The following SGCZ variants were observed in gnomAD, a reference collection of about 807,000 sequenced individuals.
The protein encoded by SGCZ is zeta-sarcoglycan.
SGCZ carries 40 observed loss-of-function variants against 41.3 expected under a neutral mutation model. The observed-to-expected ratio is 0.97, with a 90% confidence interval of 0.75 to 1.26. The LOEUF (loss-of-function observed/expected upper bound fraction) is 1.26. SGCZ is among the 50% of genes most tolerant of loss of function. The probability of loss-of-function intolerance (pLI) is 0.00; values close to 1 mark genes in which losing one functional copy is unlikely to be tolerated. For synonymous variants in SGCZ, 206 were observed against 137.5 expected (o/e 1.50, Z -3.49); for missense variants, 552 against 369.8 (o/e 1.49, Z -4.04).
chr8:14,182,126 C>T (rs1204582497), intron 4 of SGCZ, among the ~76,000 whole-genome samples: 1 of 152,114 alleles, frequency 6.6e-6, no homozygotes, highest in Non-Finnish European at 1.5e-5. Flanking sequence ...CTGTATAGTT[C>T]TTCCTCTCAT....
chr8:15,080,057 T>G (rs1295405228), intron 1 of SGCZ, among the ~76,000 whole-genome samples: 1 of 152,098 alleles, frequency 6.6e-6, no homozygotes, highest in South Asian at 2.1e-4. Flanking sequence ...TTATCTTCTG[T>G]TTTTCTTGTT....
chr8:15,041,906 A>G (rs974792245), intron 1 of SGCZ, among the ~76,000 whole-genome samples: 4 of 152,310 alleles, frequency 2.6e-5, no homozygotes, highest in Non-Finnish European at 2.9e-5. Context: ...TCTGGTCCTG[A>G]GTCCTTCTAC....
At chr8:14,591,009 C>G (rs1390823540) in intron 1 of SGCZ, among the ~76,000 whole-genome samples, 5 of 150,166 alleles carry the variant, frequency 3.3e-5, no homozygotes, top group African/African-American at 1.2e-4. Context: ...AAATATTATG[C>G]CATCATTTTT....
At chr8:14,468,800 A>C (rs1456271342) in intron 2 of SGCZ, among the ~76,000 whole-genome samples, 5 of 152,078 alleles carry the variant, frequency 3.3e-5, no homozygotes, top group African/African-American at 1.2e-4. Flanking sequence ...AAGTACATTG[A>C]AATATAACAA....
intron 2 of SGCZ, among the ~76,000 whole-genome samples, chr8:14,503,153 T>G (rs560618575): frequency 2.6e-5 from 4 of 152,142 alleles, no homozygotes; most frequent in Admixed American, 6.5e-5. Flanking sequence ...TGTGGGGACA[T>G]GGATGAAGCA....
intron 1 of SGCZ, among the ~76,000 whole-genome samples, chr8:14,867,702 G>C (rs1366813568): frequency 1.3e-5 from 2 of 152,080 alleles, no homozygotes; most frequent in African/African-American, 4.8e-5. Context: ...TCACGTATAA[G>C]TGGGAGCTAA....
rs115823038 is a variant in SGCZ at position 14,120,794 on chromosome 8, T to C, written c.548-12559A>G. 6.1e-3 allele frequency among the ~76,000 whole-genome samples: 927 copies of C among 152,244 alleles called. 12 individuals carry two copies. The highest frequency in any genetic ancestry group is 0.022 in the African/African-American group (899 of 41,570). ...AAAGGCATTAAAGAGATGTTAATTA[T>C]AATGAGAAGTATAACATAACCATAT... On this transcript the variant is annotated intron_variant, in intron 5 of 7. Transcript: ENST00000382080.
At chr8:15,153,251 AAAC>A (rs3069841) in intron 1 of SGCZ, among the ~76,000 whole-genome samples, 75,852 of 151,742 alleles carry the variant, frequency 0.5, 19,878 homozygotes, top group Non-Finnish European at 0.59. Context: ...GCATGAAAAT[AAAC>A]AACATAAAAC....
intron 2 of SGCZ, among the ~76,000 whole-genome samples, chr8:14,407,488 T>C (rs11987103): frequency 0.13 from 20,388 of 152,022 alleles, 2,987 homozygotes; most frequent in African/African-American, 0.36. Flanking sequence ...ATAAGTAGTT[T>C]CATAATCCTA....
chr8:14,114,038 A>G (rs1011174230), intron 5 of SGCZ, among the ~76,000 whole-genome samples: 6 of 152,024 alleles, frequency 3.9e-5, no homozygotes, highest in African/African-American at 1.4e-4. Context: ...CCTTGTAAAA[A>G]TTACTGGTAT....
chr8:14,747,728 T>TGC lies in SGCZ; in HGVS notation c.40-192803_40-192802insGC, dbSNP rs1554492380. On this transcript the variant is annotated intron_variant, in intron 1 of 7. Coordinates refer to ENST00000382080, the MANE Select transcript of SGCZ (RefSeq NM_139167.4). Reference sequence around the variant, plus strand: ...ATTTGTGTGTGTGTGTGTGTGTGTGTGTGTGAGACTGAGTCTCATTCTGTC... The same window carrying TGC: ...ATTTGTGTGTGTGTGTGTGTGTGTGTGCGTGTGAGACTGAGTCTCATTCTGTC... 3.9e-3 allele frequency among the ~76,000 whole-genome samples: 577 copies of TGC among 149,130 alleles called. 9 individuals carry two copies. Among genetic ancestry groups the TGC allele is most frequent in the African/African-American group, 0.012 (471 of 40,272 alleles).
chr8:15,228,044 G>A (rs1428323090), intron 1 of SGCZ, among the ~76,000 whole-genome samples: 1 of 152,024 alleles, frequency 6.6e-6, no homozygotes. Flanking sequence ...ATATGGAACA[G>A]ATGTTTGAAA....
intron 1 of SGCZ, among the ~76,000 whole-genome samples, chr8:15,208,999 C>G (rs1801158797): frequency 6.6e-6 from 1 of 151,718 alleles, no homozygotes; most frequent in Admixed American, 6.6e-5. Context: ...AAACTGAGTT[C>G]TTCAGAGTGG....
intron 2 of SGCZ, among the ~76,000 whole-genome samples, chr8:14,357,170 A>G (rs1443713409): frequency 6.6e-6 from 1 of 152,224 alleles, no homozygotes; most frequent in East Asian, 1.9e-4. Context: ...AATTAAAACA[A>G]TATAAAAACC....
chr8:15,213,675 A>G (rs968914199), intron 1 of SGCZ, among the ~76,000 whole-genome samples: 1 of 151,840 alleles, frequency 6.6e-6, no homozygotes, highest in Admixed American at 6.6e-5. Flanking sequence ...TTGAAAATAA[A>G]TAATTTTCAC....
chr8:14,451,441 T>C (rs1800590497), intron 2 of SGCZ, among the ~76,000 whole-genome samples: 1 of 152,192 alleles, frequency 6.6e-6, no homozygotes, highest in Non-Finnish European at 1.5e-5. Flanking sequence ...CCTTATAGTT[T>C]ACATTTTTGC....
chr8:14,619,972 G>A lies in SGCZ; in HGVS notation c.40-65046C>T, dbSNP rs565147255. 8.5e-5 allele frequency among the ~76,000 whole-genome samples: 13 copies of A among 152,242 alleles called. No individual in the cohort carries two copies. In the East Asian group the frequency reaches 2.3e-3, roughly 27 times the overall value. On this transcript the variant is annotated intron_variant, in intron 1 of 7. Transcript: ENST00000382080. ...TTCATATGGAACCAAAAAAGGGCCC[G>A]CATTGCCAAGACAATCCTAAGCCAA...
intron 1 of SGCZ, among the ~76,000 whole-genome samples, chr8:15,160,819 CCA>C (rs1372360628): frequency 6.6e-6 from 1 of 152,186 alleles, no homozygotes; most frequent in Non-Finnish European, 1.5e-5. Flanking sequence ...AAGGCACATG[CCA>C]CCGTCTATGC....
In SGCZ at chr8:14,191,583, C is replaced by T. The variant is rs918950844; in HGVS notation, c.425-26881G>A. Among the ~76,000 whole-genome samples the T allele has an allele frequency of 4.3e-4, 65 of 152,274 alleles. 1 individual carries two copies. Among genetic ancestry groups the T allele is most frequent in the African/African-American group, 1.5e-3 (61 of 41,560 alleles). ...GAAATGTACAAAACACCTCAACTTA[C>T]ATCTCACTGTGTAAAACTCAAACAC... On this transcript the variant is annotated intron_variant, in intron 4 of 7. Coordinates refer to ENST00000382080, the MANE Select transcript of SGCZ (RefSeq NM_139167.4).
Sources: gnomAD v4.1 joint callset for allele counts (sites outside exome capture counted in the v4.1 genomes callset) on GRCh38, gnomAD v4.1.1 for gene constraint, MANE v1.5 for transcripts, NCBI Gene and HGNC (gene_info 2026-07-23, HGNC 2026-07-21) for gene names.